Variants in NDUFA9 observed in about 807,000 individuals in gnomAD.
NDUFA9 encodes the protein NADH:ubiquinone oxidoreductase subunit A9, also known as NADH dehydrogenase [ubiquinone] 1 alpha subcomplex subunit 9, mitochondrial.
Under a neutral mutation model 45.9 loss-of-function variants are expected in NDUFA9, and 23 were observed. The ratio of observed to expected loss-of-function variants is 0.50; its 90% confidence interval spans 0.36 to 0.71. The LOEUF is 0.71. Ranked by LOEUF, NDUFA9 falls within the 30% of genes least tolerant of loss-of-function variation. NDUFA9 has a pLI of 0.00. For missense variants in NDUFA9, 466 were observed against 488.2 expected (o/e 0.95, Z 0.43); for synonymous variants, 176 against 170.5 (o/e 1.03, Z -0.25).
intron 10 of NDUFA9, 49 bp from the exon 11 acceptor site, chr12:4,686,889 G>A (rs1186795481): frequency 6.3e-7 from 1 of 1,575,620 alleles, no homozygotes; most frequent in East Asian, 2.3e-5. Flanking sequence ...ATAGCACTTT[G>A]TTCTCAGCCA....
chr12:4,672,282 T>G (rs7313982), intron 8 of NDUFA9, among the ~76,000 whole-genome samples: 139,127 of 152,238 alleles, frequency 0.91, 63,801 homozygotes, highest in Middle Eastern at 0.98. Context: ...AGGGCCCTGG[T>G]TTTCCAGCAC....
Position 4,690,200 on chromosome 12 carries a change from T to C in NDUFA9, c.*3092T>C, listed in dbSNP as rs1199196484. ...ACATTACCTGATTCTCACAGTTGAT[T>C]TGAGCCTGCAAGACTGTAAACCCAT... On this transcript the variant is annotated 3_prime_UTR_variant, in exon 11 of 11. Coordinates refer to ENST00000266544, the MANE Select transcript of NDUFA9 (RefSeq NM_005002.5). 1 of 152,254 alleles carries C rather than the reference T, an allele frequency of 6.6e-6. No homozygotes were observed. Among genetic ancestry groups the C allele is most frequent in the Non-Finnish European group, 1.5e-5 (1 of 68,054 alleles). 9.4% of individuals were successfully genotyped at this position (152,254 alleles called of 1,614,324 possible).
chr12:4,664,553 G>A (rs1282557549), intron 6 of NDUFA9, among the ~76,000 whole-genome samples: 1 of 152,246 alleles, frequency 6.6e-6, no homozygotes, highest in Non-Finnish European at 1.5e-5. Flanking sequence ...CTTTGTCAGA[G>A]GCCTTGGAGG....
Position 4,662,640 on chromosome 12 carries a change from G to T in NDUFA9, c.655+5G>T. ...GATTCCTTAATTCTTTTGCAAGTACGTATTCTTTCTTAATGGTAGAAGAGA... is the reference window on the plus strand; with the variant it reads ...GATTCCTTAATTCTTTTGCAAGTACTTATTCTTTCTTAATGGTAGAAGAGA... On this transcript the variant is annotated splice_donor_5th_base_variant and intron_variant, in intron 6 of 10. Coordinates refer to ENST00000266544, the MANE Select transcript of NDUFA9 (RefSeq NM_005002.5). The T allele has an allele frequency of 1.2e-6, 2 of 1,606,502 alleles. No homozygotes were observed. Among genetic ancestry groups the T allele is most frequent in the African/African-American group, 1.3e-5 (1 of 74,876 alleles).
intron 8 of NDUFA9, among the ~76,000 whole-genome samples, chr12:4,679,343 T>C (rs565742924): frequency 4.6e-5 from 7 of 152,152 alleles, no homozygotes; most frequent in Non-Finnish European, 8.8e-5. Flanking sequence ...ACTTGGTAAA[T>C]GTATGAAAAA....
At chr12:4,661,674 G>C (rs577735740) in intron 5 of NDUFA9, among the ~76,000 whole-genome samples, 21 of 106,456 alleles carry the variant, frequency 2.0e-4, no homozygotes, top group African/African-American at 6.2e-4. Flanking sequence ...AGGAACAGTC[G>C]GAAGAGTTGA....
chr12:4,664,508 A>G (rs1292971981), intron 6 of NDUFA9, among the ~76,000 whole-genome samples: 1 of 152,256 alleles, frequency 6.6e-6, no homozygotes, highest in African/African-American at 2.4e-5. Context: ...GTTTCAAAGG[A>G]TGGGGCCATT....
chr12:4,680,391 A>G (rs1257225382), intron 8 of NDUFA9, among the ~76,000 whole-genome samples: 1 of 152,126 alleles, frequency 6.6e-6, no homozygotes, highest in African/African-American at 2.4e-5. Context: ...CTGGGAGACA[A>G]GATTTTGCTG....
At chr12:4,659,220 G>C (rs774220288) in intron 5 of NDUFA9, 43 bp downstream of exon 5, 2 of 1,542,474 alleles carry the variant, frequency 1.3e-6, no homozygotes, top group Non-Finnish European at 1.8e-6. Flanking sequence ...CAGAGCCAGA[G>C]TTTCTTGGGC....
intron 8 of NDUFA9, among the ~76,000 whole-genome samples, chr12:4,674,616 CTAACTATCCTGAATA>C (rs1321708093): frequency 2.6e-5 from 4 of 152,170 alleles, no homozygotes; most frequent in African/African-American, 9.7e-5. Context: ...ACAAGAAGAG[CTAACTATCCTGAATA>C]TATATGCTCC....
At chr12:4,669,696 C>A in intron 7 of NDUFA9, 45 bp from the exon 8 acceptor site, 1 of 1,255,746 alleles carries the variant, frequency 8.0e-7, no homozygotes, top group Non-Finnish European at 1.2e-6. Flanking sequence ...CCCATTCTGT[C>A]TCTTTTTCAA....
intron 5 of NDUFA9, among the ~76,000 whole-genome samples, chr12:4,659,412 T>C (rs1475458301): frequency 1.3e-5 from 2 of 152,226 alleles, no homozygotes; most frequent in East Asian, 1.9e-4. Context: ...CATGTTACTG[T>C]TGGCATTCAG....
At chr12:4,657,712 C>A in intron 3 of NDUFA9, 36 bp from the exon 4 acceptor site, 1 of 1,483,068 alleles carries the variant, frequency 6.7e-7, no homozygotes, top group South Asian at 1.1e-5. Context: ...GAGGTATACC[C>A]CTATGTTTTC....
At chr12:4,684,522 C>T (rs1465195914) in intron 9 of NDUFA9, among the ~76,000 whole-genome samples, 1 of 152,162 alleles carries the variant, frequency 6.6e-6, no homozygotes, top group African/African-American at 2.4e-5. Context: ...GTAGTCCCAG[C>T]TACTTGGGAG....
At chr12:4,666,440 G>T (rs1019323812) in intron 6 of NDUFA9, among the ~76,000 whole-genome samples, 55 of 152,082 alleles carry the variant, frequency 3.6e-4, no homozygotes, top group African/African-American at 1.3e-3. Flanking sequence ...TTTTAGTATT[G>T]TATCTAAGGA....
rs575806668 is a variant in NDUFA9 at position 4,680,231 on chromosome 12, G to T, written c.801-1974G>T. On this transcript the variant is annotated intron_variant, in intron 8 of 10. Transcript: ENST00000266544. ...GCCAAGCAGAACTGAGTGTTCCATT[G>T]GAAATTACTGATAAAAAAATAAGGT... Among the ~76,000 whole-genome samples, 3 of 146,390 alleles carry T rather than the reference G, an allele frequency of 2.0e-5. No homozygotes were observed. The East Asian group carries it at 6.9e-4, about 34-fold the overall frequency.
At chr12:4,671,267 C>T (rs970561341) in intron 8 of NDUFA9, among the ~76,000 whole-genome samples, 1 of 152,152 alleles carries the variant, frequency 6.6e-6, no homozygotes. Context: ...TACAACATTA[C>T]ACACAACTGT....
At chr12:4,661,618 G>A (rs1429385060) in intron 5 of NDUFA9, among the ~76,000 whole-genome samples, 1 of 151,638 alleles carries the variant, frequency 6.6e-6, no homozygotes, top group African/African-American at 2.4e-5. Flanking sequence ...AGAGAGTGAT[G>A]AGAAGATGGT....
chr12:4,664,424 A>G (rs1945841492), intron 6 of NDUFA9, among the ~76,000 whole-genome samples: 1 of 152,240 alleles, frequency 6.6e-6, no homozygotes, highest in Non-Finnish European at 1.5e-5. Context: ...TTGGCTGTGA[A>G]TTTGAGCTAT....
Sources: allele counts gnomAD v4.1 joint callset (sites outside exome capture counted in the v4.1 genomes callset), GRCh38; gene constraint gnomAD v4.1.1; transcripts MANE v1.5; gene names NCBI Gene and HGNC (gene_info 2026-07-23, HGNC 2026-07-21).